The following DMD variants were observed in gnomAD, a reference collection of about 807,000 sequenced individuals.
The protein encoded by DMD is mutant dystrophin.
DMD carries 63 observed loss-of-function variants against 330.1 expected under a neutral mutation model. The observed-to-expected ratio is 0.19, with a 90% CI of 0.16 to 0.24. DMD has a LOEUF of 0.24. DMD is among the 10% of genes least tolerant of loss of function. The probability of loss-of-function intolerance (pLI) is 1.00; values close to 1 mark genes in which losing one functional copy is unlikely to be tolerated. For missense variants in DMD, 3,344 were observed against 2,684.1 expected, an observed-to-expected ratio of 1.25 and a Z score of -5.43; for synonymous variants, 1,223 against 959.8, an observed-to-expected ratio of 1.27 and a Z score of -5.07.
chrX:31,558,357 C>A (rs1042890595), intron 55 of DMD, among the ~76,000 whole-genome samples: 3 of 111,235 alleles, frequency 2.7e-5, no homozygotes, highest in African/African-American at 9.8e-5. Context: ...ATGTGTGATA[C>A]TGCAGTGCTT....
In DMD at chrX:33,107,296, G is replaced by GCAACA. The variant is rs1479036686; in HGVS notation, c.32-87097_32-87096insTGTTG. On this transcript the variant is annotated intron_variant, in intron 1 of 78. Coordinates refer to ENST00000357033, the MANE Select transcript of DMD (RefSeq NM_004006.3). ...CATTGCACTCCAGCCTCGGCAACAA[G>GCAACA]AGCGAAGCTCTGTCCCCCCCCCCCC... 6.1e-5 allele frequency among the ~76,000 whole-genome samples: 4 copies of GCAACA among 66,084 alleles called. No individual in the cohort carries two copies. The Admixed American group carries it at 1.0e-3, about 17-fold the overall frequency. The allele number at this position is 66,084 out of a possible 115,157, so 57.4% of individuals were successfully genotyped here.
At chrX:32,348,572 A>T (rs2097771730) in intron 37 of DMD, 44 bp from the exon 38 acceptor site, 1 of 1,102,349 alleles carries the variant, frequency 9.1e-7, no homozygotes. Context: ...ATTACTTTTT[A>T]TTAGAAACAT....
At chrX:33,277,550 C>T (rs1306621510) in intron 1 of DMD, among the ~76,000 whole-genome samples, 1 of 110,794 alleles carries the variant, frequency 9.0e-6, no homozygotes, top group African/African-American at 3.3e-5. Flanking sequence ...TTATGAGATG[C>T]ATGCCCTGGA....
At position 32,379,034 on chromosome X, in the gene DMD, A is replaced by C. The variant is rs780245277; in HGVS notation, c.4845+1476T>G. 5.5e-4 allele frequency among the ~76,000 whole-genome samples: 32 copies of C among 58,154 alleles called. No homozygotes were observed. In the South Asian group the frequency reaches 0.029, roughly 53 times the overall value. The allele number at this position is 58,154 out of a possible 115,157, so 50.5% of individuals were successfully genotyped here. A position where few individuals can be genotyped will look rare whatever the true frequency, so the allele number is the denominator to read the frequency against. On this transcript the variant is annotated intron_variant, in intron 34 of 78. Coordinates refer to ENST00000357033, the MANE Select transcript of DMD (RefSeq NM_004006.3). ...AGAAATAATGAGAACCTTCCAAATA[A>C]ATTGGTAAAAAAAAAAAAAAGTTCT...
At chrX:31,811,021 A>G (rs1603475019) in intron 50 of DMD, among the ~76,000 whole-genome samples, 1 of 112,118 alleles carries the variant, frequency 8.9e-6, no homozygotes, top group East Asian at 2.8e-4. Flanking sequence ...AATCATCAGA[A>G]TTGATGTTAG....
At chrX:33,161,137 ATTGAGTCTCAG>A (rs747389632) in intron 1 of DMD, among the ~76,000 whole-genome samples, 1 of 112,067 alleles carries the variant, frequency 8.9e-6, no homozygotes, top group African/African-American at 3.2e-5. Flanking sequence ...AGATGAGGAA[ATTGAGTCTCAG>A]TATAGTTAGA....
rs201549077 is a variant in DMD at position 33,259,601 on chromosome X, C to CCA, written c.7+79657_7+79658insTG. On this transcript the variant is annotated intron_variant, in intron 1 of 17. Coordinates refer to the DMD transcript ENST00000288447. ...TAATGTAAATATTTCAAAATCGCCC[C>CCA]CCCCCCCCAAAAAAAAAAAGGAAAT... Among the ~76,000 whole-genome samples the CCA allele has an allele frequency of 8.8e-4, 53 of 60,438 alleles. 2 individuals carry two copies. Among genetic ancestry groups the CCA allele is most frequent in the African/African-American group, 3.6e-3 (53 of 14,879 alleles). 52.5% of individuals were successfully genotyped at this position (60,438 alleles called of 115,157 possible).
At chrX:32,538,046 T>G (rs185978878) in intron 17 of DMD, among the ~76,000 whole-genome samples, 1 of 112,235 alleles carries the variant, frequency 8.9e-6, no homozygotes, top group Admixed American at 9.4e-5. Flanking sequence ...AGGGAAGCTT[T>G]AATTCTAGTG....
chrX:32,161,782 CA>C (rs755853316), intron 44 of DMD, among the ~76,000 whole-genome samples: 1 of 111,418 alleles, frequency 9.0e-6, no homozygotes, highest in Non-Finnish European at 1.9e-5. Context: ...AAAGAAGGTC[CA>C]AAAAAGGAGG....
intron 44 of DMD, among the ~76,000 whole-genome samples, chrX:32,197,384 G>A (rs1209775211): frequency 1.8e-5 from 2 of 111,206 alleles, no homozygotes; most frequent in African/African-American, 3.3e-5. Flanking sequence ...TAATCATCCC[G>A]TTGTTTGATC....
At chrX:31,166,000 G>C (rs772029067) in intron 74 of DMD, among the ~76,000 whole-genome samples, 4 of 111,368 alleles carry the variant, frequency 3.6e-5, no homozygotes, top group African/African-American at 1.3e-4. Flanking sequence ...AGCCATGCCT[G>C]GTGCTAATCA....
chrX:32,883,550 C>A (rs975946698), intron 2 of DMD, among the ~76,000 whole-genome samples: 1 of 110,673 alleles, frequency 9.0e-6, no homozygotes, highest in African/African-American at 3.3e-5. Flanking sequence ...CATGGCCAGG[C>A]GCGGTGGCTC....
intron 29 of DMD, among the ~76,000 whole-genome samples, chrX:32,416,936 G>A (rs1458129901): frequency 8.9e-6 from 1 of 111,889 alleles, no homozygotes; most frequent in African/African-American, 3.3e-5. Flanking sequence ...TCCTTTTAGT[G>A]TTTCTTTTTT....
intron 70 of DMD, chrX:31,178,174 G>A: frequency 4.0e-6 from 3 of 753,719 alleles, no homozygotes; most frequent in Non-Finnish European, 4.7e-6. Flanking sequence ...AAGAGGAGCA[G>A]GTTGAAAAGA....
At chrX:32,557,814 T>C (rs1035461636) in intron 16 of DMD, among the ~76,000 whole-genome samples, 12 of 111,264 alleles carry the variant, frequency 1.1e-4, no homozygotes, top group African/African-American at 3.6e-4. Context: ...AAATGCTTTA[T>C]CTTATGAAGT....
At chrX:32,764,411 AT>A (rs1461918380) in intron 7 of DMD, among the ~76,000 whole-genome samples, 6 of 111,035 alleles carry the variant, frequency 5.4e-5, no homozygotes, top group Non-Finnish European at 1.1e-4. Context: ...ACCTCCAAAA[AT>A]TATCTTCCCC....
chrX:32,284,572 A>T (rs2097432419), intron 43 of DMD, among the ~76,000 whole-genome samples: 2 of 111,631 alleles, frequency 1.8e-5, no homozygotes, highest in Admixed American at 9.6e-5. Context: ...GCAACCCACT[A>T]AGCTCCCCAC....
At chrX:33,315,776 C>G (rs1164049663) in intron 1 of DMD, among the ~76,000 whole-genome samples, 1 of 111,847 alleles carries the variant, frequency 8.9e-6, no homozygotes, top group Non-Finnish European at 1.9e-5. Flanking sequence ...TATAAGGCAA[C>G]ATATTCATAG....
rs755202809 is a variant in DMD, at chrX:32,058,080, A to C, written c.6439-89566T>G. 9.9e-5 allele frequency among the ~76,000 whole-genome samples: 11 copies of C among 111,414 alleles called. No individual in the cohort carries two copies. The South Asian group carries it at 2.9e-3, about 30-fold the overall frequency. Reference sequence around the variant, plus strand: ...AAACTATACATAAAAATCAACTCAAAATGAAATGGAGTAAAGACTTAAAAA... The same window carrying C: ...AAACTATACATAAAAATCAACTCAACATGAAATGGAGTAAAGACTTAAAAA... On this transcript the variant is annotated intron_variant, in intron 44 of 78. Transcript: ENST00000357033.
Sources: gnomAD v4.1 joint callset for allele counts (sites outside exome capture counted in the v4.1 genomes callset) on GRCh38, gnomAD v4.1.1 for gene constraint, MANE v1.5 for transcripts, NCBI Gene and HGNC (gene_info 2026-07-23, HGNC 2026-07-21) for gene names.